Variants in EYS observed in about 807,000 individuals in gnomAD.
EYS encodes EGF-like photoreceptor maintenance factor.
Under a neutral mutation model 282.1 loss-of-function variants are expected in EYS, and 250 were observed. The ratio of observed to expected loss-of-function variants is 0.89; its 90% CI spans 0.80 to 0.98. EYS has a LOEUF of 0.98. Among genes scored for constraint, EYS ranks in the 50% least tolerant of loss-of-function variants. The probability of loss-of-function intolerance (pLI) is 0.00; values close to 1 mark genes in which losing one functional copy is unlikely to be tolerated. For synonymous variants in EYS, 1,355 were observed against 1,282.9 expected (o/e 1.06, Z -1.20); for missense variants, 4,016 against 3,709.0 (o/e 1.08, Z -2.15).
At chr6:64,968,371 T>G (rs1770171815) in intron 14 of EYS, among the ~76,000 whole-genome samples, 1 of 152,172 alleles carries the variant, frequency 6.6e-6, no homozygotes, top group African/African-American at 2.4e-5. Context: ...GTTTAAAAAA[T>G]AATTTTGCTG....
chr6:65,706,425 C>A (rs1483046118), intron 1 of EYS, among the ~76,000 whole-genome samples: 1 of 151,908 alleles, frequency 6.6e-6, no homozygotes, highest in Non-Finnish European at 1.5e-5. Context: ...TCTTATTGAA[C>A]CATAAATCTC....
intron 11 of EYS, chr6:65,303,342 C>T (rs1768907067): frequency 1.3e-6 from 1 of 799,230 alleles, no homozygotes; most frequent in Non-Finnish European, 2.3e-6. Flanking sequence ...GGAGAAGAAC[C>T]CTTGGTTAGA....
intron 36 of EYS, among the ~76,000 whole-genome samples, chr6:63,816,731 C>A (rs1771187477): frequency 6.6e-6 from 1 of 152,226 alleles, no homozygotes; most frequent in Non-Finnish European, 1.5e-5. Context: ...TATCCTAAGG[C>A]ATGTACATGT....
chr6:64,108,687 G>T (rs961803121), intron 31 of EYS, among the ~76,000 whole-genome samples: 1 of 151,686 alleles, frequency 6.6e-6, no homozygotes, highest in African/African-American at 2.4e-5. Context: ...ATGGAAGAAT[G>T]ACTCCCACAC....
At chr6:64,521,243 C>T (rs1225139081) in intron 26 of EYS, among the ~76,000 whole-genome samples, 2 of 151,722 alleles carry the variant, frequency 1.3e-5, no homozygotes, top group Non-Finnish European at 2.9e-5. Flanking sequence ...GGTTAGGTTA[C>T]AGTTTGCTAT....
chr6:65,567,943 C>T (rs1216980278), intron 2 of EYS, among the ~76,000 whole-genome samples: 2 of 152,058 alleles, frequency 1.3e-5, no homozygotes, highest in African/African-American at 4.8e-5. Flanking sequence ...GAAGATGAAG[C>T]TCAGGTTCTC....
chr6:65,135,214 G>T (rs1215958434), intron 12 of EYS, among the ~76,000 whole-genome samples: 1 of 151,958 alleles, frequency 6.6e-6, no homozygotes, highest in East Asian at 1.9e-4. Flanking sequence ...GCAACGGTTG[G>T]AAGAGTAAAA....
chr6:64,595,769 T>C (rs1766565861), intron 24 of EYS, among the ~76,000 whole-genome samples: 1 of 152,158 alleles, frequency 6.6e-6, no homozygotes, highest in Non-Finnish European at 1.5e-5. Flanking sequence ...AAAACACTGA[T>C]GCAAGACATT....
At chr6:64,378,774 C>T (rs1463656560) in intron 29 of EYS, among the ~76,000 whole-genome samples, 1 of 152,192 alleles carries the variant, frequency 6.6e-6, no homozygotes, top group Non-Finnish European at 1.5e-5. Context: ...CTTAATCCCA[C>T]ATCTCTACTG....
chr6:65,686,486 G>C (rs898632053), intron 1 of EYS, among the ~76,000 whole-genome samples: 2 of 152,042 alleles, frequency 1.3e-5, no homozygotes, highest in Non-Finnish European at 2.9e-5. Flanking sequence ...ATGTGGTTAT[G>C]CACGTGTATG....
chr6:65,154,007 A>G (rs929018855), intron 12 of EYS, among the ~76,000 whole-genome samples: 3 of 151,822 alleles, frequency 2.0e-5, no homozygotes, highest in Non-Finnish European at 2.9e-5. Context: ...TACTAACTAC[A>G]TGTTATGCCA....
chr6:64,917,248 CA>C (rs11435902), intron 15 of EYS, among the ~76,000 whole-genome samples: 16,110 of 136,654 alleles, frequency 0.12, 1,120 homozygotes, highest in African/African-American at 0.23. Context: ...GACTTAGTCT[CA>C]AAAAAAAAAA....
rs532982750 is a variant in EYS, at chr6:64,779,490, G to A, written c.3443+33888C>T. 1.1e-4 allele frequency among the ~76,000 whole-genome samples: 17 copies of A among 152,158 alleles called. 1 individual carries two copies. The South Asian group carries it at 3.5e-3, about 32-fold the overall frequency. On this transcript the variant is annotated intron_variant, in intron 22 of 42. Coordinates refer to ENST00000503581, the MANE Select transcript of EYS (RefSeq NM_001142800.2). ...AGCGTTTGCCAGGAGTTGGGTTGGG[G>A]GAAGGGAAGAATAGAGGAAGCATAG...
At chr6:64,718,764 C>A (rs12661626) in intron 22 of EYS, among the ~76,000 whole-genome samples, 18,327 of 152,158 alleles carry the variant, frequency 0.12, 1,343 homozygotes, top group East Asian at 0.35. Flanking sequence ...AATTAAAATA[C>A]GTGTGGCGCA....
At chr6:65,340,781 T>G (rs1396190377) in intron 10 of EYS, among the ~76,000 whole-genome samples, 1 of 151,126 alleles carries the variant, frequency 6.6e-6, no homozygotes, top group Non-Finnish European at 1.5e-5. Context: ...AATAATTAGT[T>G]TTTCTCCATC....
At chr6:64,658,709 C>G (rs1768863204) in intron 22 of EYS, among the ~76,000 whole-genome samples, 1 of 152,194 alleles carries the variant, frequency 6.6e-6, no homozygotes, top group African/African-American at 2.4e-5. Context: ...GATCAATCCT[C>G]TGGAAGTCTT....
chr6:65,376,125 A>C (rs369116125), intron 8 of EYS, among the ~76,000 whole-genome samples: 1 of 152,274 alleles, frequency 6.6e-6, no homozygotes, highest in East Asian at 1.9e-4. Flanking sequence ...GCAGCCAGAG[A>C]GAAAGTTCAG....
intron 31 of EYS, among the ~76,000 whole-genome samples, chr6:64,096,758 A>T (rs1772632550): frequency 6.6e-6 from 1 of 152,152 alleles, no homozygotes. Context: ...AATTCGTCAA[A>T]GTCATTCTCC....
At chr6:65,200,320 T>C (rs1395513252) in intron 12 of EYS, among the ~76,000 whole-genome samples, 1 of 151,622 alleles carries the variant, frequency 6.6e-6, no homozygotes, top group Non-Finnish European at 1.5e-5. Context: ...AGTAACTAGA[T>C]AGAAATGCAA....
Sources: gnomAD v4.1 joint callset for allele counts (sites outside exome capture counted in the v4.1 genomes callset) on GRCh38, gnomAD v4.1.1 for gene constraint, MANE v1.5 for transcripts, NCBI Gene and HGNC (gene_info 2026-07-23, HGNC 2026-07-21) for gene names.